HERC4: variants seen among roughly 807,000 people sequenced by gnomAD.
HERC4 encodes probable E3 ubiquitin-protein ligase HERC4.
HERC4 carries 28 observed loss-of-function variants against 124.3 expected under a neutral mutation model. The observed-to-expected ratio is 0.23, with a 90% CI of 0.17 to 0.31. The LOEUF (loss-of-function observed/expected upper bound fraction) is 0.31, where lower values mean the gene tolerates loss of function less well. Ranked by LOEUF, HERC4 falls within the 10% of genes least tolerant of loss-of-function variation. The pLI is 1.00. For missense variants in HERC4, 713 were observed against 1,229.3 expected (o/e 0.58, Z 6.28); for synonymous variants, 407 against 421.5 (o/e 0.97, Z 0.42).
chr10:68,060,527 C>T (rs1438523389), intron 3 of HERC4, among the ~76,000 whole-genome samples: 1 of 152,170 alleles, frequency 6.6e-6, no homozygotes, highest in Admixed American at 6.5e-5. Flanking sequence ...GCGTGAGCCA[C>T]CGCGTCCAGC....
intron 9 of HERC4, among the ~76,000 whole-genome samples, chr10:68,004,560 G>T (rs982170072): frequency 2.0e-5 from 3 of 152,058 alleles, no homozygotes; most frequent in Admixed American, 2.0e-4. Flanking sequence ...CATGCTTTTT[G>T]TATACAGTGA....
intron 7 of HERC4, among the ~76,000 whole-genome samples, chr10:68,030,424 G>C (rs2039143971): frequency 6.6e-6 from 1 of 152,200 alleles, no homozygotes; most frequent in Non-Finnish European, 1.5e-5. Context: ...CTGGGTGACA[G>C]AGTGAGACCG....
chr10:68,013,485 C>T (rs185550782), intron 9 of HERC4, among the ~76,000 whole-genome samples: 5 of 152,236 alleles, frequency 3.3e-5, no homozygotes, highest in African/African-American at 9.6e-5. Flanking sequence ...CAAAAAGAAA[C>T]ACTACTATAT....
At chr10:67,982,465 T>G (rs1319120652) in intron 15 of HERC4, among the ~76,000 whole-genome samples, 1 of 140,072 alleles carries the variant, frequency 7.1e-6, no homozygotes, top group Non-Finnish European at 1.6e-5. Flanking sequence ...TTACTATATA[T>G]AAAAATCAAA....
chr10:67,956,760 G>C (rs1220371180), intron 17 of HERC4, 118 bp downstream of exon 17: 1 of 524,586 alleles, frequency 1.9e-6, no homozygotes, highest in East Asian at 2.9e-5. Context: ...CTTCTTTATA[G>C]CTACCCAAAG....
intron 15 of HERC4, among the ~76,000 whole-genome samples, chr10:67,985,425 T>C (rs1767099806): frequency 6.6e-6 from 1 of 152,228 alleles, no homozygotes; most frequent in African/African-American, 2.4e-5. Context: ...ATAAAACCTA[T>C]ATAAGTTTGA....
intron 9 of HERC4, among the ~76,000 whole-genome samples, chr10:68,000,694 G>T (rs1196983804): frequency 6.6e-6 from 1 of 152,148 alleles, no homozygotes; most frequent in South Asian, 2.1e-4. Context: ...GAGTAGGGTA[G>T]GTCCATAACC....
At position 67,991,008 on chromosome 10, in the gene HERC4, C is replaced by T; in HGVS notation, c.1339G>A (p.Asp447Asn). Residue 447 changes from aspartate (D) to asparagine (N), a missense_variant, in exon 13 of 25, where the codon GAT (aspartate) becomes AAT (asparagine). Physicochemically the swap from Asp to Asn is conservative, Grantham distance 23. Transcript: ENST00000373700. ...NGSFLAVSND[D>N]HYRTGTRFSG... Reference sequence around the variant, plus strand: ...AATCTGGTACCTGTTCTATAGTGATCATCATTGCTAAAAAACAGAAAAGAA... The same window carrying T: ...AATCTGGTACCTGTTCTATAGTGATTATCATTGCTAAAAAACAGAAAAGAA... The T allele has an allele frequency of 6.8e-7, 1 of 1,481,138 alleles. No homozygotes were observed. The highest frequency in any genetic ancestry group is 9.0e-7 in the Non-Finnish European group (1 of 1,111,072). The allele number at this position is 1,481,138 out of a possible 1,614,324, so 91.7% of individuals were successfully genotyped here. A position where few individuals can be genotyped will look rare whatever the true frequency, so the allele number is the denominator to read the frequency against.
intron 7 of HERC4, among the ~76,000 whole-genome samples, chr10:68,029,686 TTATA>T (rs1304100811): frequency 6.8e-6 from 1 of 147,996 alleles, no homozygotes; most frequent in Non-Finnish European, 1.5e-5. Flanking sequence ...TTTTTATATA[TTATA>T]TATATTTTTA....
chr10:67,992,106 A>G (rs1225031312), intron 11 of HERC4, 93 bp downstream of exon 11: 4 of 1,203,104 alleles, frequency 3.3e-6, no homozygotes, highest in Non-Finnish European at 4.7e-6. Context: ...CATGTTGCCC[A>G]GGCTGGTCTC....
chr10:67,961,905 C>A (rs1371296078), intron 16 of HERC4, among the ~76,000 whole-genome samples: 1 of 152,102 alleles, frequency 6.6e-6, no homozygotes, highest in Non-Finnish European at 1.5e-5. Context: ...CACATAAATG[C>A]TCCAACTGGC....
At chr10:67,958,586 T>G (rs2034294311) in intron 16 of HERC4, among the ~76,000 whole-genome samples, 1 of 152,180 alleles carries the variant, frequency 6.6e-6, no homozygotes, top group African/African-American at 2.4e-5. Flanking sequence ...TCCCAAGTGT[T>G]AAAAGGGTAG....
chr10:68,003,153 AT>A (rs1468824251), intron 9 of HERC4, among the ~76,000 whole-genome samples: 2 of 149,100 alleles, frequency 1.3e-5, no homozygotes, highest in Non-Finnish European at 3.0e-5. Context: ...TATTAACTAT[AT>A]TTTTATACTT....
chr10:67,992,056 G>A lies in HERC4; in HGVS notation c.1271+143C>T, dbSNP rs2029474. The A allele has an allele frequency of 0.12, 76,106 of 659,754 alleles. 5,283 individuals carry two copies. The highest frequency in any genetic ancestry group is 0.17 in the South Asian group (9,302 of 53,544). 40.9% of individuals were successfully genotyped at this position (659,754 alleles called of 1,614,324 possible). ...TGAGACCACAGGTGTGCACCACCACGCCCAGCTAATTGTATTTTTTTGTAG... is the reference window on the plus strand; with the variant it reads ...TGAGACCACAGGTGTGCACCACCACACCCAGCTAATTGTATTTTTTTGTAG... On this transcript the variant is annotated intron_variant, in intron 11 of 24. Transcript: ENST00000373700.
intron 8 of HERC4, among the ~76,000 whole-genome samples, chr10:68,021,810 A>G (rs1020309575): frequency 6.6e-6 from 1 of 152,058 alleles, no homozygotes; most frequent in African/African-American, 2.4e-5. Context: ...CTCCACCTCA[A>G]ATAAATAAAT....
At chr10:68,027,971 ATATTT>A (rs912729051) in intron 7 of HERC4, among the ~76,000 whole-genome samples, 1 of 144,472 alleles carries the variant, frequency 6.9e-6, no homozygotes, top group African/African-American at 2.6e-5. Context: ...TATTATATAT[ATATTT>A]ATTATATTTT....
intron 21 of HERC4, among the ~76,000 whole-genome samples, chr10:67,937,722 C>G (rs540015798): frequency 1.3e-5 from 2 of 150,480 alleles, no homozygotes; most frequent in East Asian, 3.9e-4. Context: ...ACTGTGTCAC[C>G]CAGGCTGCAG....
In HERC4 at chr10:67,925,088, G is replaced by A; in HGVS notation, c.2938C>T (p.Leu980=). ...ELPLEKKKQF[L]LFLTGSDRIP... ...ACAACTAGTTAGAAATACTTACACA[G>A]AAACTGTTTCTTCTTTTCCAATGGT... The change falls in exon 24 of 25, where the codon CTG becomes TTG. Residue 980 remains leucine, a synonymous_variant. Coordinates refer to ENST00000373700, the MANE Select transcript of HERC4 (RefSeq NM_015601.4). 6.5e-7 allele frequency: 1 copy of A among 1,531,742 alleles called. No homozygotes were observed. Among genetic ancestry groups the A allele is most frequent in the Non-Finnish European group, 9.0e-7 (1 of 1,105,762 alleles). The allele number at this position is 1,531,742 out of a possible 1,614,324, so 94.9% of individuals were successfully genotyped here.
intron 23 of HERC4, among the ~76,000 whole-genome samples, chr10:67,932,382 G>C (rs2031914943): frequency 6.6e-6 from 1 of 152,154 alleles, no homozygotes; most frequent in African/African-American, 2.4e-5. Flanking sequence ...CACTGTGCCT[G>C]GCCAGATGAG....
Sources: gnomAD v4.1 joint callset for allele counts (sites outside exome capture counted in the v4.1 genomes callset) on GRCh38, gnomAD v4.1.1 for gene constraint, MANE v1.5 for transcripts, NCBI Gene and HGNC (gene_info 2026-07-23, HGNC 2026-07-21) for gene names.